Variants in DTNB observed in about 807,000 individuals in gnomAD.
The protein encoded by DTNB is dystrobrevin beta.
Under a neutral mutation model 90.7 loss-of-function variants are expected in DTNB, and 63 were observed. The observed-to-expected ratio is 0.69, with a 90% CI of 0.57 to 0.86. The LOEUF (loss-of-function observed/expected upper bound fraction) is 0.86. Ranked by LOEUF, DTNB falls within the 40% of genes least tolerant of loss-of-function variation. The pLI is 0.00. For missense variants in DTNB, 744 were observed against 807.1 expected (o/e 0.92, Z 0.95); for synonymous variants, 277 against 286.7 (o/e 0.97, Z 0.34).
intron 5 of DTNB, among the ~76,000 whole-genome samples, chr2:25,603,341 C>T (rs894855311): frequency 6.6e-6 from 1 of 152,068 alleles, no homozygotes; most frequent in East Asian, 1.9e-4. Context: ...TTTGATTGTG[C>T]TTTTAATTAA....
chr2:25,665,348 C>T (rs2084165616), intron 1 of DTNB, among the ~76,000 whole-genome samples: 1 of 152,180 alleles, frequency 6.6e-6, no homozygotes, highest in African/African-American at 2.4e-5. Context: ...AGTGAGGGGC[C>T]AGGCGCGGTG....
chr2:25,645,965 G>C (rs2079346348), intron 2 of DTNB, among the ~76,000 whole-genome samples: 1 of 152,024 alleles, frequency 6.6e-6, no homozygotes, highest in Non-Finnish European at 1.5e-5. Context: ...TCTAAGAAGG[G>C]GAAAGAAAGG....
At chr2:25,453,699 A>G (rs1315129463) in intron 11 of DTNB, among the ~76,000 whole-genome samples, 1 of 152,218 alleles carries the variant, frequency 6.6e-6, no homozygotes, top group Admixed American at 6.5e-5. Flanking sequence ...CTAGGGTGAA[A>G]CAACTCTGTT....
intron 16 of DTNB, among the ~76,000 whole-genome samples, chr2:25,407,589 C>T (rs993730267): frequency 7.2e-5 from 11 of 152,176 alleles, no homozygotes; most frequent in African/African-American, 2.7e-4. Flanking sequence ...GAATACTACT[C>T]AGCTATAAAA....
intron 7 of DTNB, among the ~76,000 whole-genome samples, chr2:25,577,687 C>G (rs1407311461): frequency 6.6e-6 from 1 of 152,040 alleles, no homozygotes; most frequent in African/African-American, 2.4e-5. Flanking sequence ...CAACTCTGAA[C>G]ACAAGAAAAG....
At chr2:25,410,298 GA>G in intron 16 of DTNB, among the ~76,000 whole-genome samples, 1 of 152,126 alleles carries the variant, frequency 6.6e-6, no homozygotes, top group Non-Finnish European at 1.5e-5. Context: ...AGTAGGTAAG[GA>G]AATCTCTCAG....
Position 25,504,287 on chromosome 2 carries a change from GGAAGGAAAGAAA to G in DTNB, c.1002-21426_1002-21415del, listed in dbSNP as rs374185553. Among the ~76,000 whole-genome samples, 603 of 148,422 alleles carry G rather than the reference GGAAGGAAAGAAA, an allele frequency of 4.1e-3. 4 individuals are homozygous for G. Among genetic ancestry groups the G allele is most frequent in the African/African-American group, 0.013 (535 of 40,196 alleles). On this transcript the variant is annotated intron_variant, in intron 9 of 20. Transcript: ENST00000406818. ...AGGACGGACGGATGGACAGATGGAA[GGAAGGAAAGAAA>G]GAAGGAAAGAAAGAAAGAAGGGAAG...
At chr2:25,413,197 G>T (rs1307961054) in intron 16 of DTNB, among the ~76,000 whole-genome samples, 1 of 151,364 alleles carries the variant, frequency 6.6e-6, no homozygotes, top group Non-Finnish European at 1.5e-5. Context: ...GTATTTTTTT[G>T]GTAACAAATT....
intron 15 of DTNB, chr2:25,426,749 A>G (rs183939152): frequency 2.6e-5 from 4 of 152,278 alleles, no homozygotes; most frequent in African/African-American, 7.2e-5. Flanking sequence ...CCCCTCTTAG[A>G]TATCTTTATA....
intron 7 of DTNB, 43 bp from the exon 8 acceptor site, chr2:25,577,047 G>T: frequency 3.3e-6 from 5 of 1,529,576 alleles, no homozygotes; most frequent in Non-Finnish European, 4.4e-6. Flanking sequence ...GGGCAGGAGG[G>T]AAGGGATAGA....
At chr2:25,429,059 G>A (rs761445841) in intron 14 of DTNB, among the ~76,000 whole-genome samples, 3 of 152,068 alleles carry the variant, frequency 2.0e-5, no homozygotes, top group Non-Finnish European at 4.4e-5. Context: ...CACAGCAGCC[G>A]CTAGCCACGC....
intron 2 of DTNB, among the ~76,000 whole-genome samples, chr2:25,645,588 C>T (rs1057372490): frequency 1.3e-5 from 2 of 151,898 alleles, no homozygotes; most frequent in Non-Finnish European, 2.9e-5. Context: ...ACTACAAAAA[C>T]ATGCCACCAC....
chr2:25,587,063 A>T (rs2062584099), intron 6 of DTNB, among the ~76,000 whole-genome samples: 1 of 152,172 alleles, frequency 6.6e-6, no homozygotes, highest in South Asian at 2.1e-4. Context: ...ATCCCATGGT[A>T]TGCTAAGGGT....
At chr2:25,447,048 A>C (rs1228427870) in intron 12 of DTNB, among the ~76,000 whole-genome samples, 1 of 152,226 alleles carries the variant, frequency 6.6e-6, no homozygotes, top group African/African-American at 2.4e-5. Context: ...TTTGTTTTAA[A>C]AATCTGTAAT....
At chr2:25,457,681 C>T (rs2150174901) in intron 10 of DTNB, among the ~76,000 whole-genome samples, 1 of 152,252 alleles carries the variant, frequency 6.6e-6, no homozygotes, top group Middle Eastern at 3.4e-3. Flanking sequence ...ATTCTCTCAT[C>T]ACTCTAGTAC....
At chr2:25,604,209 A>C (rs72797659) in intron 5 of DTNB, among the ~76,000 whole-genome samples, 37,244 of 150,820 alleles carry the variant, frequency 0.25, 5,721 homozygotes, top group Non-Finnish European at 0.35. Flanking sequence ...ACCACCAACA[A>C]CAACAAAAAA....
At chr2:25,515,473 AT>A (rs1408043175) in intron 9 of DTNB, among the ~76,000 whole-genome samples, 2 of 152,230 alleles carry the variant, frequency 1.3e-5, no homozygotes, top group Non-Finnish European at 2.9e-5. Context: ...ATAAACTCAT[AT>A]TTATAGTCGG....
In DTNB at chr2:25,607,232, T is replaced by C; in HGVS notation, c.448+4A>G. The C allele has an allele frequency of 6.3e-7, 1 of 1,590,106 alleles. No homozygotes were observed. The stretch of plus-strand genomic sequence containing the variant: ...CATTTTTCAAATAATATGAAAATAC[T>C]TACATCTCAATTTGTCCAGCATTTT... On this transcript the variant is annotated splice_donor_region_variant and intron_variant, in intron 5 of 20. Coordinates refer to ENST00000406818, the MANE Select transcript of DTNB (RefSeq NM_021907.5).
At chr2:25,405,446 C>A (rs1365529929) in intron 16 of DTNB, among the ~76,000 whole-genome samples, 2 of 152,068 alleles carry the variant, frequency 1.3e-5, no homozygotes, top group African/African-American at 4.8e-5. Context: ...GGGGCTGAGG[C>A]AGGAGAATCA....
Sources: gnomAD v4.1 joint callset for allele counts (sites outside exome capture counted in the v4.1 genomes callset) on GRCh38, gnomAD v4.1.1 for gene constraint, MANE v1.5 for transcripts, NCBI Gene and HGNC (gene_info 2026-07-23, HGNC 2026-07-21) for gene names.